Variants in SSX2IP observed in about 807,000 individuals in gnomAD.
SSX2IP encodes the protein afadin- and alpha-actinin-binding protein.
Under a neutral mutation model 84.9 loss-of-function variants are expected in SSX2IP, and 55 were observed. The ratio of observed to expected loss-of-function variants is 0.65; its 90% CI spans 0.52 to 0.81. The LOEUF (loss-of-function observed/expected upper bound fraction) is 0.81. SSX2IP is among the 30% of genes least tolerant of loss of function. SSX2IP has a pLI of 0.00. For synonymous variants in SSX2IP, 239 were observed against 234.7 expected (o/e 1.02, Z -0.17); for missense variants, 664 against 705.2 (o/e 0.94, Z 0.66).
chr1:84,665,112 T>C (rs1333149380), intron 5 of SSX2IP, among the ~76,000 whole-genome samples: 4 of 152,214 alleles, frequency 2.6e-5, no homozygotes, highest in African/African-American at 7.2e-5. Flanking sequence ...TCTATTATAG[T>C]TTCTCAGGCA....
At chr1:84,684,658 C>T (rs963372846) in intron 1 of SSX2IP, among the ~76,000 whole-genome samples, 1 of 152,040 alleles carries the variant, frequency 6.6e-6, no homozygotes, top group Non-Finnish European at 1.5e-5. Context: ...GAGGTGTGCA[C>T]CTATACAGCA....
In SSX2IP at chr1:84,647,268, A is replaced by T; in HGVS notation, c.*165T>A. On this transcript the variant is annotated 3_prime_UTR_variant, in exon 14 of 14. Coordinates refer to ENST00000342203, the MANE Select transcript of SSX2IP (RefSeq NM_001166293.2). ...TATCCAAAGCTTTTATATCCTTTTA[A>T]ATAGATTTAAGATTTCAACTCTTTG... 5.8e-6 allele frequency: 3 copies of T among 513,002 alleles called. No homozygotes were observed. The highest frequency in any genetic ancestry group is 6.6e-6 in the Non-Finnish European group (2 of 304,694). The allele number at this position is 513,002 out of a possible 1,614,324, so 31.8% of individuals were successfully genotyped here.
Position 84,655,831 on chromosome 1 carries a change from C to T in SSX2IP, c.1389+1G>A, listed in dbSNP as rs1195195143. On this transcript the variant is annotated splice_donor_variant, in intron 11 of 13. Coordinates refer to ENST00000342203, the MANE Select transcript of SSX2IP (RefSeq NM_001166293.2). LOFTEE classifies it high-confidence loss of function. ...AAAAGCACTACAATTGTTTAAAATA[C>T]CTCCAATCCCAGGCGAATAGCGGCT... 3.7e-6 allele frequency: 6 copies of T among 1,612,602 alleles called. No individual in the cohort carries two copies. The East Asian group carries it at 1.1e-4, about 30-fold the overall frequency.
chr1:84,665,755 G>C (rs903655427), intron 5 of SSX2IP, among the ~76,000 whole-genome samples: 1 of 152,278 alleles, frequency 6.6e-6, no homozygotes. Context: ...GTGCATGCAA[G>C]AAGGGGCACC....
intron 8 of SSX2IP, among the ~76,000 whole-genome samples, chr1:84,661,532 C>T (rs1437075657): frequency 1.3e-5 from 2 of 152,152 alleles, no homozygotes; most frequent in African/African-American, 4.8e-5. Context: ...CTTATTACAG[C>T]ACCTAACACA....
chr1:84,670,153 CAAAT>C (rs1653350716), intron 3 of SSX2IP: 2 of 233,554 alleles, frequency 8.6e-6, no homozygotes, highest in African/African-American at 4.5e-5. Flanking sequence ...TTGAACATGA[CAAAT>C]ATATATAATT....
At position 84,658,487 on chromosome 1, in the gene SSX2IP, GA is replaced by G; in HGVS notation, c.928-20del. The G allele has an allele frequency of 6.2e-7, 1 of 1,609,896 alleles. No individual in the cohort carries two copies. The highest frequency in any genetic ancestry group is 8.5e-7 in the Non-Finnish European group (1 of 1,177,474). ...AAATAACCTACAAGCGGAGAGAGAT[GA>G]AGAGGAAAGGCTAGTACCTTACAAT... is the stretch of plus-strand genomic sequence containing the variant. On this transcript the variant is annotated intron_variant, in intron 8 of 13. Transcript: ENST00000342203.
At position 84,662,348 on chromosome 1, in the gene SSX2IP, G is replaced by C; in HGVS notation, c.777C>G (p.Leu259=). Reference sequence around the variant, plus strand: ...TCTGACGATATTCATAATCATTCAAGAGAATTTTATACATTTCATCTTCAT... The same window carrying C: ...TCTGACGATATTCATAATCATTCAACAGAATTTTATACATTTCATCTTCAT... ...ARNEDEMYKI[L]LNDYEYRQKQ... The change falls in exon 8 of 14, where the codon CTC becomes CTG. Residue 259 remains leucine, a synonymous_variant. Transcript: ENST00000342203. 1 of 1,608,210 alleles carries C rather than the reference G, an allele frequency of 6.2e-7. No homozygotes were observed. Among genetic ancestry groups the C allele is most frequent in the South Asian group, 1.1e-5 (1 of 89,502 alleles).
At position 84,645,264 on chromosome 1, in the gene SSX2IP, A is replaced by G. The variant is rs1649331637; in HGVS notation, c.*2169T>C. 2 of 152,156 alleles carry G rather than the reference A, an allele frequency of 1.3e-5. No individual in the cohort carries two copies. Among genetic ancestry groups the G allele is most frequent in the Admixed American group, 6.6e-5 (1 of 15,266 alleles). The allele number at this position is 152,156 out of a possible 1,614,324, so 9.4% of individuals were successfully genotyped here. Reference sequence around the variant, plus strand: ...TGTGGAGTCCTGGGTTTTCCAACAGACATCATTCCAGCATTCTGAGATTAG... The same window carrying G: ...TGTGGAGTCCTGGGTTTTCCAACAGGCATCATTCCAGCATTCTGAGATTAG... On this transcript the variant is annotated 3_prime_UTR_variant, in exon 14 of 14. Transcript: ENST00000342203.
At chr1:84,656,692 A>G (rs1320444960) in intron 9 of SSX2IP, among the ~76,000 whole-genome samples, 1 of 152,192 alleles carries the variant, frequency 6.6e-6, no homozygotes, top group Non-Finnish European at 1.5e-5. Flanking sequence ...ATTATAAAAA[A>G]TGTTTAAGCA....
At chr1:84,683,688 G>C (rs1003118069) in intron 1 of SSX2IP, among the ~76,000 whole-genome samples, 1 of 152,174 alleles carries the variant, frequency 6.6e-6, no homozygotes, top group Non-Finnish European at 1.5e-5. Context: ...CAAGTTCAAG[G>C]ATGTATTAGT....
In SSX2IP at chr1:84,659,649, T is replaced by C. The variant is rs538586721; in HGVS notation, c.928-1181A>G. On this transcript the variant is annotated intron_variant, in intron 8 of 13. Coordinates refer to ENST00000342203, the MANE Select transcript of SSX2IP (RefSeq NM_001166293.2). The stretch of plus-strand genomic sequence containing the variant: ...CCTGTCTCTACTAAAAATACAAAAA[T>C]TAGTTGGGCGTGGTGGTGCATGCCT... Among the ~76,000 whole-genome samples the C allele has an allele frequency of 3.3e-5, 5 of 151,516 alleles. No homozygotes were observed. The South Asian group carries it at 1.0e-3, about 32-fold the overall frequency.
intron 6 of SSX2IP, 25 bp downstream of exon 6, chr1:84,664,392 T>G: frequency 1.9e-6 from 3 of 1,561,498 alleles, no homozygotes; most frequent in Non-Finnish European, 2.6e-6. Flanking sequence ...TTTATTCTCT[T>G]AGCTGATCTT....
intron 1 of SSX2IP, among the ~76,000 whole-genome samples, chr1:84,685,127 A>C (rs1446475602): frequency 6.6e-6 from 1 of 152,228 alleles, no homozygotes; most frequent in African/African-American, 2.4e-5. Context: ...AAATACATAT[A>C]TATAAAATGT....
At chr1:84,685,314 G>C (rs1334563121) in intron 1 of SSX2IP, among the ~76,000 whole-genome samples, 1 of 152,204 alleles carries the variant, frequency 6.6e-6, no homozygotes, top group African/African-American at 2.4e-5. Flanking sequence ...ATTTGGGCTA[G>C]AGTTTCAGAG....
upstream of SSX2IP, chr1:84,690,572 G>C (rs1656492924): frequency 6.6e-6 from 1 of 152,204 alleles, no homozygotes; most frequent in Non-Finnish European, 1.5e-5. Flanking sequence ...GCGCGCCGGC[G>C]CCGCAGGCCC....
rs1178121225 is a variant in SSX2IP at position 84,655,904 on chromosome 1, A to G, written c.1317T>C (p.Phe439=). 6.2e-7 allele frequency: 1 copy of G among 1,613,822 alleles called. No homozygotes were observed. Among genetic ancestry groups the G allele is most frequent in the Non-Finnish European group, 8.5e-7 (1 of 1,179,916 alleles). The part of the protein sequence containing the change: ...KERLKEEWSL[F]KEQKKNFERE... ...TCTCAAAATTCTTTTTCTGCTCTTT[A>G]AAAAGGGACCATTCTTCTTTGAGAC... Residue 439 remains phenylalanine, a synonymous_variant, in exon 11 of 14, where the codon TTT becomes TTC. Transcript: ENST00000342203.
intron 13 of SSX2IP, among the ~76,000 whole-genome samples, chr1:84,648,965 T>C (rs1044769846): frequency 6.6e-6 from 1 of 152,204 alleles, no homozygotes; most frequent in Admixed American, 6.5e-5. Context: ...TGGTTTATAT[T>C]ACAGACTCCT....
chr1:84,671,411 A>G, intron 1 of SSX2IP, 103 bp from the exon 2 acceptor site: 1 of 918,084 alleles, frequency 1.1e-6, no homozygotes, highest in Non-Finnish European at 1.5e-6. Context: ...AAACAGAAGG[A>G]TTTTGCAATA....
Sources: allele counts gnomAD v4.1 joint callset (sites outside exome capture counted in the v4.1 genomes callset), GRCh38; gene constraint gnomAD v4.1.1; transcripts MANE v1.5; gene names NCBI Gene and HGNC (gene_info 2026-07-23, HGNC 2026-07-21).